CRCP: variants seen among roughly 807,000 people sequenced by gnomAD.
CRCP encodes DNA-directed RNA polymerase III subunit RPC9.
In CRCP, 18 loss-of-function variants were observed where a neutral mutation model predicts 18.5. That is an observed-to-expected ratio of 0.97 (90% CI 0.67 to 1.44). The LOEUF (loss-of-function observed/expected upper bound fraction) is 1.44. CRCP is among the 40% of genes most tolerant of loss of function. The pLI is 0.00. For missense variants in CRCP, 130 were observed against 176.4 expected, an observed-to-expected ratio of 0.74 and a Z score of 1.49; for synonymous variants, 53 against 62.9, an observed-to-expected ratio of 0.84 and a Z score of 0.75.
intron 1 of CRCP, among the ~76,000 whole-genome samples, chr7:66,116,609 A>G (rs1787271576): frequency 1.3e-5 from 2 of 152,028 alleles, no homozygotes. Context: ...ATCATTACTA[A>G]TTTTTCCCTC....
intron 5 of CRCP, among the ~76,000 whole-genome samples, chr7:66,147,169 C>T (rs970180698): frequency 6.6e-6 from 1 of 152,036 alleles, no homozygotes; most frequent in Admixed American, 6.6e-5. Context: ...TGGTAAAACC[C>T]CATCTCTACT....
chr7:66,147,501 T>G (rs1402839768), intron 5 of CRCP, among the ~76,000 whole-genome samples: 4 of 152,252 alleles, frequency 2.6e-5, no homozygotes, highest in Middle Eastern at 3.4e-3. Flanking sequence ...AGTGGCTGAT[T>G]GGGACCTTCT....
chr7:66,142,278 C>T (rs763938236), intron 4 of CRCP, among the ~76,000 whole-genome samples: 23 of 152,174 alleles, frequency 1.5e-4, no homozygotes, highest in Admixed American at 3.9e-4. Context: ...ATTTCAGCCT[C>T]TCCATGTGTT....
At chr7:66,124,663 G>A (rs1014157947) in intron 1 of CRCP, among the ~76,000 whole-genome samples, 1 of 152,076 alleles carries the variant, frequency 6.6e-6, no homozygotes, top group African/African-American at 2.4e-5. Flanking sequence ...TGACAGGTGT[G>A]AGCCACAATG....
chr7:66,123,428 GT>G (rs1231892238), intron 1 of CRCP, among the ~76,000 whole-genome samples: 8 of 152,124 alleles, frequency 5.3e-5, no homozygotes, highest in Non-Finnish European at 7.3e-5. Flanking sequence ...ATTGCTAGAT[GT>G]GTCTATTAAG....
intron 5 of CRCP, chr7:66,151,094 C>T (rs1489004301): frequency 6.6e-6 from 1 of 152,456 alleles, no homozygotes; most frequent in Non-Finnish European, 1.5e-5. Context: ...AGTTCTACCC[C>T]TTAGCAGCAT....
intron 2 of CRCP, among the ~76,000 whole-genome samples, chr7:66,130,460 T>C (rs1787765751): frequency 6.6e-6 from 1 of 152,134 alleles, no homozygotes; most frequent in Non-Finnish European, 1.5e-5. Context: ...TCAAATAGTA[T>C]ATTTTTGAGA....
chr7:66,117,011 C>T (rs1787286115), intron 1 of CRCP, among the ~76,000 whole-genome samples: 1 of 149,222 alleles, frequency 6.7e-6, no homozygotes, highest in Non-Finnish European at 1.5e-5. Flanking sequence ...ATCCCAGTAA[C>T]TCAGGAGGCT....
At chr7:66,149,533 G>A (rs1034627826) in intron 5 of CRCP, among the ~76,000 whole-genome samples, 1 of 152,098 alleles carries the variant, frequency 6.6e-6, no homozygotes, top group African/African-American at 2.4e-5. Flanking sequence ...TATTTAACCT[G>A]GAGAAAAGAT....
At chr7:66,140,362 G>T (rs77058812) in intron 4 of CRCP, among the ~76,000 whole-genome samples, 133 of 150,556 alleles carry the variant, frequency 8.8e-4, no homozygotes, top group Non-Finnish European at 1.3e-3. Flanking sequence ...TATTTTTTTT[G>T]TTTTTTTGTC....
chr7:66,115,938 A>G (rs1787247051), intron 1 of CRCP, among the ~76,000 whole-genome samples: 1 of 152,164 alleles, frequency 6.6e-6, no homozygotes, highest in Non-Finnish European at 1.5e-5. Flanking sequence ...CTGGGACTAC[A>G]GGCCCACGCC....
At chr7:66,115,355 G>A (rs528714401) in intron 1 of CRCP, among the ~76,000 whole-genome samples, 1 of 152,334 alleles carries the variant, frequency 6.6e-6, no homozygotes, top group East Asian at 1.9e-4. Flanking sequence ...CTGAAAGTAG[G>A]TGGAGGAGAG....
intron 2 of CRCP, chr7:66,130,158 T>A (rs1348051257): frequency 1.1e-5 from 3 of 264,796 alleles, no homozygotes; most frequent in Non-Finnish European, 2.0e-5. Context: ...CAGGCTGGAG[T>A]ACAGTGGCAC....
intron 2 of CRCP, 45 bp downstream of exon 2, chr7:66,127,785 G>T (rs145314716): frequency 6.3e-6 from 10 of 1,596,592 alleles, no homozygotes; most frequent in African/African-American, 1.3e-5. Flanking sequence ...TTTGCCCTTC[G>T]CTCCTGAGAT....
At position 66,143,907 on chromosome 7, in the gene CRCP, A is replaced by G. The variant is rs73376349; in HGVS notation, c.240-1536A>G. The stretch of plus-strand genomic sequence containing the variant: ...TAATCCTCTCATAAGATAGTTAAGT[A>G]CTGTTATCATTCCTATTTCACAGAT... On this transcript the variant is annotated intron_variant, in intron 4 of 5. Coordinates refer to ENST00000395326, the MANE Select transcript of CRCP (RefSeq NM_014478.5). 1.7e-3 allele frequency among the ~76,000 whole-genome samples: 259 copies of G among 152,324 alleles called. 1 individual carries two copies. The highest frequency in any genetic ancestry group is 6.1e-3 in the African/African-American group (252 of 41,570).
chr7:66,116,329 T>C (rs1787260861), intron 1 of CRCP, among the ~76,000 whole-genome samples: 1 of 151,726 alleles, frequency 6.6e-6, no homozygotes, highest in African/African-American at 2.4e-5. Flanking sequence ...ACCCTGTCTC[T>C]GCAAAAAATT....
rs186325495 is a variant in CRCP at position 66,124,133 on chromosome 7, G to A, written c.9-3571G>A. On this transcript the variant is annotated intron_variant, in intron 1 of 5. Transcript: ENST00000395326. Reference sequence around the variant, plus strand: ...TCCCAGCACTTTGGGAGGCCGAGGCGGGCGGATCACGAGGTCAGGAGATCG... The same window carrying A: ...TCCCAGCACTTTGGGAGGCCGAGGCAGGCGGATCACGAGGTCAGGAGATCG... Among the ~76,000 whole-genome samples, 941 of 145,262 alleles carry A rather than the reference G, an allele frequency of 6.5e-3. 13 individuals are homozygous for A. The highest frequency in any genetic ancestry group is 0.023 in the African/African-American group (892 of 39,072).
intron 2 of CRCP, 128 bp downstream of exon 2, chr7:66,127,868 C>A: frequency 1.0e-6 from 1 of 988,296 alleles, no homozygotes. Context: ...AATCCCAGCA[C>A]TTTGGGAGGC....
At chr7:66,120,201 GAAAA>G (rs1787395794) in intron 1 of CRCP, among the ~76,000 whole-genome samples, 1 of 151,574 alleles carries the variant, frequency 6.6e-6, no homozygotes, top group African/African-American at 2.4e-5. Context: ...AAGAAAAAAA[GAAAA>G]AGAAAAAAAA....
Sources: gnomAD v4.1 joint callset for allele counts (sites outside exome capture counted in the v4.1 genomes callset) on GRCh38, gnomAD v4.1.1 for gene constraint, MANE v1.5 for transcripts, NCBI Gene and HGNC (gene_info 2026-07-23, HGNC 2026-07-21) for gene names.